PIPOX: variants seen among roughly 807,000 people sequenced by gnomAD.
The protein encoded by PIPOX is peroxisomal sarcosine oxidase.
In PIPOX, 45 loss-of-function variants were observed where a neutral mutation model predicts 47.9. The observed-to-expected ratio is 0.94, with a 90% CI of 0.74 to 1.20. The LOEUF (loss-of-function observed/expected upper bound fraction) is 1.20, where lower values mean the gene tolerates loss of function less well. Among genes scored for constraint, PIPOX ranks in the 50% most tolerant of loss-of-function variants. The probability of loss-of-function intolerance (pLI) is 0.00; values close to 1 mark genes in which losing one functional copy is unlikely to be tolerated. For missense variants in PIPOX, 458 were observed against 498.4 expected (o/e 0.92, Z 0.77); for synonymous variants, 165 against 191.3 (o/e 0.86, Z 1.13).
At chr17:29,046,596 A>C (rs1267643300) in intron 2 of PIPOX, 2 of 985,316 alleles carry the variant, frequency 2.0e-6, no homozygotes, top group Non-Finnish European at 2.4e-6. Context: ...GGTCAGCTGC[A>C]TTCTGTTCCA....
At chr17:29,048,759 C>A (rs2065794615) in intron 2 of PIPOX, among the ~76,000 whole-genome samples, 1 of 152,240 alleles carries the variant, frequency 6.6e-6, no homozygotes, top group African/African-American at 2.4e-5. Context: ...TCAGCCACAT[C>A]CCCTCCCTGG....
In PIPOX at chr17:29,056,313, C is replaced by G; in HGVS notation, c.*8C>G. On this transcript the variant is annotated 3_prime_UTR_variant, in exon 8 of 8. Transcript: ENST00000323372. ...GGCAAAGCCCACCTTTGACCTCTGG[C>G]CAGAAGCCTCCCTTCTGTGCACAGG... 1 of 1,614,104 alleles carries G rather than the reference C, an allele frequency of 6.2e-7. No individual in the cohort carries two copies.
chr17:29,054,719 G>A lies in PIPOX; in HGVS notation c.807+28G>A, dbSNP rs766284834. On this transcript the variant is annotated intron_variant, in intron 5 of 7. Coordinates refer to ENST00000323372, the MANE Select transcript of PIPOX (RefSeq NM_016518.3). ...GAGCGGAAAGACCGAGATAAGGCAGGTAGATGCCAGTGCAGATTAGGGGAA... is the reference window on the plus strand; with the variant it reads ...GAGCGGAAAGACCGAGATAAGGCAGATAGATGCCAGTGCAGATTAGGGGAA... 5.0e-6 allele frequency: 8 copies of A among 1,608,942 alleles called. No homozygotes were observed. In the South Asian group the frequency reaches 6.6e-5, roughly 13 times the overall value.
At chr17:29,053,968 C>T (rs1282662260) in intron 4 of PIPOX, among the ~76,000 whole-genome samples, 1 of 152,098 alleles carries the variant, frequency 6.6e-6, no homozygotes, top group African/African-American at 2.4e-5. Context: ...ATTTCTTGAG[C>T]CCAGGAGTTC....
In PIPOX at chr17:29,044,996, C is replaced by G. The variant is rs1263491014; in HGVS notation, c.252C>G (p.Thr84=). The G allele has an allele frequency of 6.2e-7, 1 of 1,605,306 alleles. No homozygotes were observed. Among genetic ancestry groups the G allele is most frequent in the Admixed American group, 1.7e-5 (1 of 58,518 alleles). ...CCCAGCTGGAGCACGAGGCTGGAAC[C>G]CAATTGCACAGGTGGGCTGTGGGAG... The part of the protein sequence containing the change: ...IWAQLEHEAG[T]QLHRQTGLLL... Residue 84 remains threonine, a synonymous_variant, in exon 2 of 8, where the codon ACC becomes ACG. Transcript: ENST00000323372.
chr17:29,053,451 A>C lies in PIPOX; in HGVS notation c.516A>C (p.Gly172=), dbSNP rs1002629766. The C allele has an allele frequency of 3.7e-6, 6 of 1,613,960 alleles. No homozygotes were observed. In the African/African-American group the frequency reaches 8.0e-5, roughly 22 times the overall value. ...IRQLGGIVRD[G]EKVVEINPGL... ...AGCTAGGAGGCATAGTGCGTGACGG[A>C]GAGAAGGTGGTGGAGATAAACCCAG... Residue 172 remains glycine (G), a synonymous_variant, in exon 4 of 8, where the codon GGA becomes GGC. Coordinates refer to ENST00000323372, the MANE Select transcript of PIPOX (RefSeq NM_016518.3).
At chr17:29,044,407 G>A (rs1315589360) in intron 1 of PIPOX, 2 of 152,772 alleles carry the variant, frequency 1.3e-5, no homozygotes, top group Non-Finnish European at 2.9e-5. Context: ...TAGTGCTATT[G>A]AAGAACTTCT....
At position 29,054,945 on chromosome 17, in the gene PIPOX, G is replaced by T. The variant is rs3736253; in HGVS notation, c.808-118G>T. ...AGGTGACAGCCCACAGCACCTGCCA[G>T]GAGTGGGGAAGGCTGGAATGATGGA... is the stretch of plus-strand genomic sequence containing the variant. On this transcript the variant is annotated intron_variant, in intron 5 of 7. Coordinates refer to ENST00000323372, the MANE Select transcript of PIPOX (RefSeq NM_016518.3). The T allele has an allele frequency of 6.1e-4, 840 of 1,378,692 alleles. 24 individuals are homozygous for T. In the East Asian group the frequency reaches 0.019, roughly 32 times the overall value. The allele number at this position is 1,378,692 out of a possible 1,614,324, so 85.4% of individuals were successfully genotyped here.
At position 29,057,170 on chromosome 17, in the gene PIPOX, T is replaced by A. The variant is rs1232490568; in HGVS notation, c.*865T>A. ...AATGCCCATAAAATCTGGCTCGTCT[T>A]TGATGAACAATAAATATTTGTTGAA... On this transcript the variant is annotated 3_prime_UTR_variant, in exon 8 of 8. Transcript: ENST00000323372. 1 of 152,186 alleles carries A rather than the reference T, an allele frequency of 6.6e-6. No individual in the cohort carries two copies. Among genetic ancestry groups the A allele is most frequent in the Non-Finnish European group, 1.5e-5 (1 of 68,028 alleles). 9.4% of individuals were successfully genotyped at this position (152,186 alleles called of 1,614,324 possible).
chr17:29,044,276 T>C (rs761437323), intron 1 of PIPOX: 1 of 151,976 alleles, frequency 6.6e-6, no homozygotes, highest in Non-Finnish European at 1.5e-5. Context: ...AACTGGAAGG[T>C]TTTTTCTAAT....
At position 29,053,038 on chromosome 17, in the gene PIPOX, C is replaced by CT. The variant is rs781388917; in HGVS notation, c.382_383insT (p.Arg128LeufsTer26). ...TCTTTCATCTGAGGAACTGAAGCAA[C>CT]GTTTCCCAAATATTCGGTTGCCCAG... On this transcript the variant is annotated frameshift_variant, in exon 3 of 8. Transcript: ENST00000323372. LOFTEE classifies it high-confidence loss of function. 10 of 1,614,206 alleles carry CT rather than the reference C, an allele frequency of 6.2e-6. No individual in the cohort carries two copies. In the South Asian group the frequency reaches 1.1e-4, roughly 18 times the overall value.
At chr17:29,053,956 G>T (rs1404945813) in intron 4 of PIPOX, among the ~76,000 whole-genome samples, 1 of 152,170 alleles carries the variant, frequency 6.6e-6, no homozygotes, top group South Asian at 2.1e-4. Context: ...CAAAGCAGGA[G>T]AATTTCTTGA....
intron 6 of PIPOX, 117 bp downstream of exon 6, chr17:29,055,338 T>A: frequency 8.3e-7 from 1 of 1,198,210 alleles, no homozygotes; most frequent in Non-Finnish European, 1.2e-6. Flanking sequence ...TGTGTGACTT[T>A]AAACAAACGG....
rs1303681957 is a variant in PIPOX at position 29,052,918 on chromosome 17, A to G, written c.264-2A>G. The G allele has an allele frequency of 6.2e-7, 1 of 1,613,886 alleles. No individual in the cohort carries two copies. The highest frequency in any genetic ancestry group is 8.5e-7 in the Non-Finnish European group (1 of 1,179,722). On this transcript the variant is annotated splice_acceptor_variant, in intron 2 of 7. Coordinates refer to ENST00000323372, the MANE Select transcript of PIPOX (RefSeq NM_016518.3). LOFTEE classifies it high-confidence loss of function. ...TCACCTAGGTGACTTATTTTTTAACAGGCAGACTGGATTACTGCTGCTGGG... is the reference window on the plus strand; with the variant it reads ...TCACCTAGGTGACTTATTTTTTAACGGGCAGACTGGATTACTGCTGCTGGG...
intron 2 of PIPOX, among the ~76,000 whole-genome samples, chr17:29,046,437 G>A (rs1397612356): frequency 1.3e-5 from 2 of 152,192 alleles, no homozygotes; most frequent in Non-Finnish European, 2.9e-5. Flanking sequence ...TTCCACACCA[G>A]TTGTGTGATC....
intron 2 of PIPOX, among the ~76,000 whole-genome samples, chr17:29,048,344 A>T (rs907840280): frequency 5.3e-5 from 8 of 151,836 alleles, no homozygotes; most frequent in East Asian, 1.9e-4. Flanking sequence ...GATGATGATT[A>T]AAAAAAAACC....
At chr17:29,044,618 T>C (rs1213579315) in intron 1 of PIPOX, among the ~76,000 whole-genome samples, 1 of 152,146 alleles carries the variant, frequency 6.6e-6, no homozygotes, top group Non-Finnish European at 1.5e-5. Flanking sequence ...GGACTACAAG[T>C]GCCACCACAC....
intron 2 of PIPOX, among the ~76,000 whole-genome samples, chr17:29,048,343 TA>T (rs959071878): frequency 8.6e-5 from 13 of 151,752 alleles, no homozygotes; most frequent in Admixed American, 5.9e-4. Flanking sequence ...TGATGATGAT[TA>T]AAAAAAAACC....
chr17:29,044,078 A>G (rs1202253140), intron 1 of PIPOX: 2 of 152,248 alleles, frequency 1.3e-5, no homozygotes, highest in Non-Finnish European at 2.9e-5. Context: ...GAGCCAGAGT[A>G]GTTAGAAACC....
Sources: allele counts gnomAD v4.1 joint callset (sites outside exome capture counted in the v4.1 genomes callset), GRCh38; gene constraint gnomAD v4.1.1; transcripts MANE v1.5; gene names NCBI Gene and HGNC (gene_info 2026-07-23, HGNC 2026-07-21).